ANKRD42: variants seen among roughly 807,000 people sequenced by gnomAD.
ANKRD42 encodes the protein ankyrin repeat domain-containing protein 42.
Under a neutral mutation model 51.5 loss-of-function variants are expected in ANKRD42, and 43 were observed. That is an observed-to-expected ratio of 0.83 (90% CI 0.65 to 1.08). The LOEUF (loss-of-function observed/expected upper bound fraction) is 1.08. ANKRD42 is among the 50% of genes least tolerant of loss of function. The pLI is 0.00. For missense variants in ANKRD42, 608 were observed against 629.3 expected (o/e 0.97, Z 0.36); for synonymous variants, 203 against 213.0 (o/e 0.95, Z 0.41).
intron 6 of ANKRD42, among the ~76,000 whole-genome samples, chr11:83,225,846 C>T (rs1230802357): frequency 1.3e-5 from 2 of 150,534 alleles, no homozygotes; most frequent in Non-Finnish European, 3.0e-5. Flanking sequence ...AGCTCTCTCC[C>T]TAATACCATT....
chr11:83,217,270 C>A (rs1292903921), intron 5 of ANKRD42, among the ~76,000 whole-genome samples: 2 of 152,182 alleles, frequency 1.3e-5, no homozygotes, highest in African/African-American at 4.8e-5. Context: ...AAATGTCTAA[C>A]AATATCTGTA....
chr11:83,243,451 C>T (rs193050386), intron 9 of ANKRD42, among the ~76,000 whole-genome samples: 9 of 152,258 alleles, frequency 5.9e-5, no homozygotes, highest in Admixed American at 3.3e-4. Flanking sequence ...TTAGTTCTTA[C>T]CTCTGAGGAC....
chr11:83,228,329 G>C (rs1862961975), intron 7 of ANKRD42, among the ~76,000 whole-genome samples: 1 of 126,138 alleles, frequency 7.9e-6, no homozygotes, highest in South Asian at 2.6e-4. Context: ...CTGGGCTCAA[G>C]TCATCCTCCC....
intron 5 of ANKRD42, among the ~76,000 whole-genome samples, chr11:83,223,093 T>C (rs978791468): frequency 6.6e-5 from 10 of 152,100 alleles, no homozygotes; most frequent in African/African-American, 9.6e-5. Context: ...CTACTAAAAA[T>C]ACAAAAAATT....
At chr11:83,255,900 T>A (rs1356426755) in exon 12 of ANKRD42, 1 of 1,534,196 alleles carries the variant, frequency 6.5e-7, no homozygotes, top group Non-Finnish European at 8.7e-7. Flanking sequence ...AAAAAAAAGG[T>A]TTCTTCTGGA....
chr11:83,211,118 TA>T, intron 4 of ANKRD42, 176 bp from the exon 5 acceptor site: 1 of 788,946 alleles, frequency 1.3e-6, no homozygotes, highest in Non-Finnish European at 2.0e-6. Flanking sequence ...GCCTGTTTTA[TA>T]AAATTTTATT....
intron 7 of ANKRD42, among the ~76,000 whole-genome samples, chr11:83,231,770 TG>T (rs1336962030): frequency 6.6e-6 from 1 of 152,188 alleles, no homozygotes; most frequent in East Asian, 1.9e-4. Context: ...CTTGTGCATA[TG>T]GATATCCAGT....
At chr11:83,203,939 C>T (rs1369240594) in intron 2 of ANKRD42, among the ~76,000 whole-genome samples, 1 of 152,106 alleles carries the variant, frequency 6.6e-6, no homozygotes, top group East Asian at 1.9e-4. Flanking sequence ...GTTCTCTTCT[C>T]TCTTCTCTCT....
downstream of ANKRD42, among the ~76,000 whole-genome samples, chr11:83,253,050 T>C (rs1216259739): frequency 1.3e-5 from 2 of 152,186 alleles, no homozygotes; most frequent in Non-Finnish European, 2.9e-5. Flanking sequence ...TAATATTCCA[T>C]GGTTACCTTC....
chr11:83,197,920 A>T (rs534589630), intron 1 of ANKRD42, among the ~76,000 whole-genome samples: 51 of 152,192 alleles, frequency 3.4e-4, no homozygotes, highest in Admixed American at 3.3e-3. Flanking sequence ...AGAACAACAC[A>T]TGGGGCATAT....
chr11:83,220,554 A>G (rs1424960312), intron 5 of ANKRD42, among the ~76,000 whole-genome samples: 1 of 152,188 alleles, frequency 6.6e-6, no homozygotes, highest in Non-Finnish European at 1.5e-5. Flanking sequence ...TATAGGCTTT[A>G]TTGAGCAGAG....
chr11:83,256,100 C>A (rs12295251), downstream of ANKRD42: 4,430 of 499,922 alleles, frequency 8.9e-3, 154 homozygotes, highest in African/African-American at 0.077. Flanking sequence ...TTTTAAATGA[C>A]ACGGACTCAG....
intron 7 of ANKRD42, among the ~76,000 whole-genome samples, chr11:83,232,930 C>T (rs1863117925): frequency 6.6e-6 from 1 of 151,946 alleles, no homozygotes; most frequent in Admixed American, 6.6e-5. Context: ...GAGGTAAATC[C>T]CACTTGGTTA....
At chr11:83,210,799 T>A (rs1303917403) in intron 4 of ANKRD42, among the ~76,000 whole-genome samples, 2 of 152,244 alleles carry the variant, frequency 1.3e-5, no homozygotes, top group Non-Finnish European at 2.9e-5. Flanking sequence ...ATTTAGAAAG[T>A]GATTTATTTC....
intron 1 of ANKRD42, among the ~76,000 whole-genome samples, chr11:83,195,888 A>T (rs1590955131): frequency 7.5e-6 from 1 of 134,008 alleles, no homozygotes; most frequent in Admixed American, 8.5e-5. Flanking sequence ...TCTGTCCCCC[A>T]TGCTGGAGTG....
At chr11:83,242,065 T>C (rs755502707) in intron 9 of ANKRD42, among the ~76,000 whole-genome samples, 7 of 152,224 alleles carry the variant, frequency 4.6e-5, no homozygotes, top group African/African-American at 7.2e-5. Flanking sequence ...ACCAGTGATA[T>C]TGGACATCTC....
chr11:83,256,372 C>T (rs1049200684), downstream of ANKRD42, among the ~76,000 whole-genome samples: 1 of 151,970 alleles, frequency 6.6e-6, no homozygotes, highest in Non-Finnish European at 1.5e-5. Context: ...TTTCAAATGG[C>T]GTAACTGCAA....
rs1394807950 is a variant in ANKRD42 at position 83,245,487 on chromosome 11, C to CT, written c.1196-10dup. 6.5e-7 allele frequency: 1 copy of CT among 1,535,352 alleles called. No homozygotes were observed. The highest frequency in any genetic ancestry group is 8.7e-7 in the Non-Finnish European group (1 of 1,146,638). On this transcript the variant is annotated splice_polypyrimidine_tract_variant and intron_variant, in intron 9 of 10. Coordinates refer to ENST00000533342, the MANE Select transcript of ANKRD42 (RefSeq NM_001300975.2). ...TGTCTAACTAGGTTCCTACTCAACT[C>CT]TGTCTTGCAGTGAGAGCTTACAAGA...
intron 8 of ANKRD42, 42 bp from the exon 9 acceptor site, chr11:83,240,717 A>C: frequency 6.2e-7 from 1 of 1,607,392 alleles, no homozygotes; most frequent in Non-Finnish European, 8.5e-7. Context: ...TTCAGTTTGA[A>C]GAAGATTGTG....
Sources: gnomAD v4.1 joint callset for allele counts (sites outside exome capture counted in the v4.1 genomes callset) on GRCh38, gnomAD v4.1.1 for gene constraint, MANE v1.5 for transcripts, NCBI Gene and HGNC (gene_info 2026-07-23, HGNC 2026-07-21) for gene names.